The following PCLO variants were observed in gnomAD, a reference collection of about 807,000 sequenced individuals.
PCLO encodes the protein protein piccolo.
A neutral mutation model predicts 427.5 loss-of-function variants in PCLO; 82 were observed. The ratio of observed to expected loss-of-function variants is 0.19; its 90% CI spans 0.16 to 0.23. PCLO has a LOEUF of 0.23. PCLO is among the 10% of genes least tolerant of loss of function. The pLI is 1.00. For missense variants in PCLO, 6,239 were observed against 6,115.9 expected (o/e 1.02, Z -0.67); for synonymous variants, 2,357 against 2,155.4 (o/e 1.09, Z -2.59).
intron 3 of PCLO, among the ~76,000 whole-genome samples, chr7:82,998,391 AAACAACAACAACAACAACAACAAC>A (rs79603092): frequency 0.018 from 2,613 of 149,278 alleles, 93 homozygotes; most frequent in African/African-American, 0.061. Context: ...TGTCCTTTAA[AAACAACAACAACAACAACAACAAC>A]AACAACAACA....
intron 3 of PCLO, among the ~76,000 whole-genome samples, chr7:83,038,039 T>TTATATA (rs1286620111): frequency 4.3e-5 from 1 of 23,384 alleles, no homozygotes; most frequent in South Asian, 1.4e-3. Flanking sequence ...ATTTATATAT[T>TTATATA]TATATATATA....
intron 4 of PCLO, among the ~76,000 whole-genome samples, chr7:82,960,744 G>T (rs1795638621): frequency 6.6e-6 from 1 of 152,056 alleles, no homozygotes; most frequent in South Asian, 2.1e-4. Context: ...ACAAAGAAAT[G>T]TAAACAATGT....
intron 3 of PCLO, among the ~76,000 whole-genome samples, chr7:83,071,671 T>C (rs1414599030): frequency 6.6e-6 from 1 of 152,152 alleles, no homozygotes; most frequent in Non-Finnish European, 1.5e-5. Context: ...ATCATGAATC[T>C]TTCCATTACT....
chr7:82,952,381 C>G lies in PCLO; in HGVS notation c.8572G>C (p.Gly2858Arg). The G allele has an allele frequency of 6.2e-7, 1 of 1,613,872 alleles. No individual in the cohort carries two copies. The highest frequency in any genetic ancestry group is 1.1e-5 in the South Asian group (1 of 91,084). ...REEAPINLSL[G>R]TPAHAVTLAI... Reference sequence around the variant, plus strand: ...AATGTCACTGCATGTGCTGGAGTACCTAGAGATAAGTTTATTGGTGCTTCT... The same window carrying G: ...AATGTCACTGCATGTGCTGGAGTACGTAGAGATAAGTTTATTGGTGCTTCT... Residue 2858 changes from glycine (G) to arginine (R), a missense_variant, in exon 5 of 25, where the codon GGT becomes CGT. Transcript: ENST00000333891.
At chr7:83,076,001 T>C (rs1488665594) in intron 3 of PCLO, among the ~76,000 whole-genome samples, 1 of 152,150 alleles carries the variant, frequency 6.6e-6, no homozygotes, top group East Asian at 1.9e-4. Flanking sequence ...ACCATAATTT[T>C]ACTATAAATA....
At chr7:82,878,101 T>C (rs1410201890) in intron 10 of PCLO, among the ~76,000 whole-genome samples, 1 of 152,196 alleles carries the variant, frequency 6.6e-6, no homozygotes, top group East Asian at 1.9e-4. Flanking sequence ...TATTTCCACA[T>C]TGTAAATGCT....
intron 3 of PCLO, among the ~76,000 whole-genome samples, chr7:83,012,949 A>T (rs1266849533): frequency 1.3e-5 from 2 of 152,130 alleles, no homozygotes; most frequent in Admixed American, 6.5e-5. Context: ...GGAAAGTCAC[A>T]ACTTCCCTAT....
In PCLO at chr7:83,076,142, A is replaced by G. The variant is rs971796468; in HGVS notation, c.3300+58108T>C. On this transcript the variant is annotated intron_variant, in intron 3 of 24. Transcript: ENST00000333891. Reference sequence around the variant, plus strand: ...TGGATTTAAAAAAAAAAAAAAACTCATACCTTTCGCAAGTCTCCTATAACA... The same window carrying G: ...TGGATTTAAAAAAAAAAAAAAACTCGTACCTTTCGCAAGTCTCCTATAACA... Among the ~76,000 whole-genome samples, 3 of 151,802 alleles carry G rather than the reference A, an allele frequency of 2.0e-5. No homozygotes were observed. In the East Asian group the frequency reaches 5.8e-4, roughly 29 times the overall value.
chr7:82,800,836 C>T (rs1791332572), intron 22 of PCLO, among the ~76,000 whole-genome samples: 1 of 151,944 alleles, frequency 6.6e-6, no homozygotes, highest in East Asian at 2.0e-4. Context: ...CTGCCCACCT[C>T]GGCCTCCCAA....
intron 3 of PCLO, among the ~76,000 whole-genome samples, chr7:83,128,040 T>C (rs1310781731): frequency 6.6e-6 from 1 of 152,002 alleles, no homozygotes; most frequent in Non-Finnish European, 1.5e-5. Context: ...AAAAAGGCAA[T>C]AGTAACAACA....
intron 9 of PCLO, among the ~76,000 whole-genome samples, chr7:82,899,621 G>T (rs905980284): frequency 6.6e-6 from 1 of 151,334 alleles, no homozygotes; most frequent in African/African-American, 2.4e-5. Context: ...TCAGAGAAAA[G>T]ATATAGTACA....
intron 3 of PCLO, among the ~76,000 whole-genome samples, chr7:83,061,027 T>C (rs1789530582): frequency 6.6e-6 from 1 of 152,160 alleles, no homozygotes; most frequent in Admixed American, 6.5e-5. Flanking sequence ...ACAACAGATA[T>C]ATGGGTTGTG....
chr7:83,110,350 T>C (rs1420466105), intron 3 of PCLO, among the ~76,000 whole-genome samples: 1 of 152,088 alleles, frequency 6.6e-6, no homozygotes, highest in Non-Finnish European at 1.5e-5. Context: ...ATACAGCTAT[T>C]AATATGTCAA....
chr7:82,864,661 TTC>T (rs1467577013), intron 10 of PCLO, among the ~76,000 whole-genome samples: 2 of 152,200 alleles, frequency 1.3e-5, no homozygotes, highest in African/African-American at 4.8e-5. Flanking sequence ...TTGTACACAC[TTC>T]TGTTATCCTC....
intron 9 of PCLO, among the ~76,000 whole-genome samples, chr7:82,896,180 C>G (rs1010376754): frequency 6.6e-6 from 1 of 151,710 alleles, no homozygotes; most frequent in African/African-American, 2.4e-5. Flanking sequence ...GTCTAGTAAA[C>G]TAACCAATAA....
chr7:83,116,980 T>C (rs913618622), intron 3 of PCLO, among the ~76,000 whole-genome samples: 1 of 152,200 alleles, frequency 6.6e-6, no homozygotes, highest in African/African-American at 2.4e-5. Context: ...ATGTGGTATG[T>C]ATAGACAATG....
intron 22 of PCLO, among the ~76,000 whole-genome samples, chr7:82,784,933 G>T (rs528994305): frequency 2.0e-5 from 3 of 152,154 alleles, no homozygotes; most frequent in South Asian, 4.2e-4. Flanking sequence ...TGTTCCTCTA[G>T]TTATGGAGAA....
intron 3 of PCLO, among the ~76,000 whole-genome samples, chr7:83,073,127 T>A (rs1358524579): frequency 6.6e-6 from 1 of 152,014 alleles, no homozygotes; most frequent in Admixed American, 6.6e-5. Context: ...TGCCATCTAG[T>A]GATAGCTGGA....
intron 20 of PCLO, among the ~76,000 whole-genome samples, chr7:82,817,317 T>A (rs529580050): frequency 1.1e-4 from 17 of 152,170 alleles, no homozygotes; most frequent in African/African-American, 4.1e-4. Flanking sequence ...GTACATACAA[T>A]GTTAAAGAAG....
Sources: allele counts gnomAD v4.1 joint callset (sites outside exome capture counted in the v4.1 genomes callset), GRCh38; gene constraint gnomAD v4.1.1; transcripts MANE v1.5; gene names NCBI Gene and HGNC (gene_info 2026-07-23, HGNC 2026-07-21).